SLC4A5: variants seen among roughly 807,000 people sequenced by gnomAD.
The protein encoded by SLC4A5 is solute carrier family 4 member 5, also known as electrogenic sodium bicarbonate cotransporter 4.
A neutral mutation model predicts 120.4 loss-of-function variants in SLC4A5; 96 were observed. That is an observed-to-expected ratio of 0.80 (90% CI 0.68 to 0.94). The LOEUF is 0.94. Ranked by LOEUF, SLC4A5 falls within the 40% of genes least tolerant of loss-of-function variation. SLC4A5 has a pLI of 0.00. For missense variants in SLC4A5, 1,259 were observed against 1,459.5 expected, an observed-to-expected ratio of 0.86 and a Z score of 2.24; for synonymous variants, 550 against 571.1, an observed-to-expected ratio of 0.96 and a Z score of 0.53.
intron 7 of SLC4A5, chr2:74,290,633 G>A: frequency 1.0e-6 from 1 of 981,662 alleles, no homozygotes; most frequent in Non-Finnish European, 1.2e-6. Context: ...GAGAGAGAGA[G>A]AGAGAGAGAG....
At chr2:74,227,603 C>G (rs763202940) in intron 26 of SLC4A5, 1 of 1,505,114 alleles carries the variant, frequency 6.6e-7, no homozygotes, top group Non-Finnish European at 9.2e-7. Context: ...TACATAGATT[C>G]AATTATATGA....
Position 74,222,783 on chromosome 2 carries a change from C to T in SLC4A5, c.3331+85G>A, listed in dbSNP as rs770172742. ...CTCTAGCATCCAAAATGATTAGATC[C>T]CCCTGAGTTACAGATGAAAGTTCCT... On this transcript the variant is annotated intron_variant, in intron 29 of 30. Coordinates refer to ENST00000394019, the Ensembl canonical transcript of SLC4A5. 2.1e-4 allele frequency: 257 copies of T among 1,210,412 alleles called. No individual in the cohort carries two copies. In the African/African-American group the frequency reaches 3.3e-3, roughly 15 times the overall value. The allele number at this position is 1,210,412 out of a possible 1,614,324, so 75.0% of individuals were successfully genotyped here.
At chr2:74,315,564 C>T (rs10185658) in intron 5 of SLC4A5, among the ~76,000 whole-genome samples, 1 of 150,584 alleles carries the variant, frequency 6.6e-6, no homozygotes, top group Non-Finnish European at 1.5e-5. Flanking sequence ...ACATATACTA[C>T]GTCACAGAAA....
At chr2:74,281,763 CG>C (rs1369675793) in intron 8 of SLC4A5, among the ~76,000 whole-genome samples, 1 of 152,172 alleles carries the variant, frequency 6.6e-6, no homozygotes, top group Non-Finnish European at 1.5e-5. Context: ...AAATTCCTTG[CG>C]GATTTGAGAT....
At chr2:74,239,795 T>TGCCTTTTCCCTCAGCAG (rs70965794) in intron 20 of SLC4A5, among the ~76,000 whole-genome samples, 94,299 of 151,800 alleles carry the variant, frequency 0.62, 30,216 homozygotes, top group African/African-American at 0.77. Flanking sequence ...AGAGGCAGGA[T>TGCCTTTTCCCTCAGCAG]GCCTGGCTCC....
chr2:74,249,892 C>T (rs1670738590), intron 17 of SLC4A5, among the ~76,000 whole-genome samples: 1 of 152,184 alleles, frequency 6.6e-6, no homozygotes, highest in Non-Finnish European at 1.5e-5. Context: ...GTCTGCTGAG[C>T]TGTTTTCCCC....
intron 8 of SLC4A5, among the ~76,000 whole-genome samples, chr2:74,282,727 G>C (rs1340192289): frequency 6.6e-6 from 1 of 152,220 alleles, no homozygotes; most frequent in African/African-American, 2.4e-5. Context: ...TTCTTGGCAA[G>C]GGCTCCACGG....
chr2:74,328,180 T>C, exon 5 of SLC4A5: 1 of 985,922 alleles, frequency 1.0e-6, no homozygotes, highest in Non-Finnish European at 1.2e-6. Context: ...AACCACTTGC[T>C]CTGTTCCTGT....
intron 2 of SLC4A5, among the ~76,000 whole-genome samples, chr2:74,340,859 G>A (rs1673607695): frequency 6.6e-6 from 1 of 152,116 alleles, no homozygotes; most frequent in Non-Finnish European, 1.5e-5. Context: ...ACCAGAAGAG[G>A]CTCCACTCCA....
intron 27 of SLC4A5, among the ~76,000 whole-genome samples, chr2:74,226,733 G>A (rs1051006675): frequency 8.5e-5 from 13 of 152,060 alleles, no homozygotes; most frequent in African/African-American, 2.2e-4. Flanking sequence ...CTCACTGAGC[G>A]GCTCTGACAT....
chr2:74,323,341 T>A (rs1673140889), intron 5 of SLC4A5, among the ~76,000 whole-genome samples: 1 of 151,928 alleles, frequency 6.6e-6, no homozygotes, highest in South Asian at 2.1e-4. Context: ...CAGTCCAGAG[T>A]AGGGGTAGAA....
intron 5 of SLC4A5, among the ~76,000 whole-genome samples, chr2:74,326,760 A>G (rs1673225949): frequency 6.6e-6 from 1 of 152,202 alleles, no homozygotes; most frequent in Admixed American, 6.5e-5. Flanking sequence ...CAGAGGTTGC[A>G]GTGAGCTGAG....
chr2:74,329,342 C>A (rs1164350168), intron 4 of SLC4A5, among the ~76,000 whole-genome samples: 1 of 151,996 alleles, frequency 6.6e-6, no homozygotes, highest in Non-Finnish European at 1.5e-5. Context: ...GTAATCCCAG[C>A]ACTTTGGGAG....
intron 25 of SLC4A5, among the ~76,000 whole-genome samples, chr2:74,228,671 A>AAC (rs1173936901): frequency 8.0e-6 from 1 of 125,740 alleles, no homozygotes; most frequent in African/African-American, 2.8e-5. Flanking sequence ...CGCCCCCCAA[A>AAC]AAAACCAAAA....
intron 6 of SLC4A5, among the ~76,000 whole-genome samples, chr2:74,313,446 A>C (rs1032698359): frequency 6.6e-6 from 1 of 152,056 alleles, no homozygotes; most frequent in Non-Finnish European, 1.5e-5. Flanking sequence ...TTATGAGTCT[A>C]CTCTGGTTGG....
At chr2:74,261,282 C>T (rs570088505) in intron 11 of SLC4A5, among the ~76,000 whole-genome samples, 2 of 152,324 alleles carry the variant, frequency 1.3e-5, no homozygotes, top group African/African-American at 2.4e-5. Flanking sequence ...CCACTCTGTA[C>T]CCACTGAACA....
chr2:74,336,672 C>T (rs1673498773), intron 3 of SLC4A5, among the ~76,000 whole-genome samples: 1 of 152,182 alleles, frequency 6.6e-6, no homozygotes, highest in Admixed American at 6.5e-5. Context: ...TGATAACTGG[C>T]TGCCCTGGCC....
chr2:74,327,782 C>T lies in SLC4A5; in HGVS notation c.-3+338G>A, dbSNP rs555780770. 1.6e-4 allele frequency among the ~76,000 whole-genome samples: 25 copies of T among 152,188 alleles called. No homozygotes were observed. The South Asian group carries it at 3.1e-3, about 19-fold the overall frequency. ...ATTTGACAAAGACAACAGAAATTTACGTACTAGAAGAGAAAGATTCAGTTC... is the reference window on the plus strand; with the variant it reads ...ATTTGACAAAGACAACAGAAATTTATGTACTAGAAGAGAAAGATTCAGTTC... On this transcript the variant is annotated intron_variant, in intron 5 of 30. Transcript: ENST00000394019.
chr2:74,279,237 C>A (rs1045922278), intron 8 of SLC4A5, among the ~76,000 whole-genome samples: 13 of 152,344 alleles, frequency 8.5e-5, no homozygotes, highest in African/African-American at 3.1e-4. Context: ...GTGAACCCAG[C>A]TTTTTACTTT....
Sources: gnomAD v4.1 joint callset for allele counts (sites outside exome capture counted in the v4.1 genomes callset) on GRCh38, gnomAD v4.1.1 for gene constraint, MANE v1.5 for transcripts, NCBI Gene and HGNC (gene_info 2026-07-23, HGNC 2026-07-21) for gene names.